RGL1: variants seen among roughly 807,000 people sequenced by gnomAD.
RGL1 encodes the protein ral guanine nucleotide dissociation stimulator-like 1.
RGL1 carries 24 observed loss-of-function variants against 95.2 expected under a neutral mutation model. The observed-to-expected ratio is 0.25, with a 90% CI of 0.18 to 0.35. The LOEUF is 0.35. Among genes scored for constraint, RGL1 ranks in the 10% least tolerant of loss-of-function variants. The pLI is 1.00. For synonymous variants in RGL1, 329 were observed against 344.9 expected (o/e 0.95, Z 0.51); for missense variants, 715 against 936.3 (o/e 0.76, Z 3.08).
chr1:183,642,608 T>A (rs1198983112), intron 1 of RGL1, among the ~76,000 whole-genome samples: 1 of 152,224 alleles, frequency 6.6e-6, no homozygotes, highest in Non-Finnish European at 1.5e-5. Flanking sequence ...GTTATTGTAA[T>A]GATTTTTTAA....
intron 2 of RGL1, among the ~76,000 whole-genome samples, chr1:183,756,360 A>G (rs1658339389): frequency 6.6e-6 from 1 of 152,116 alleles, no homozygotes; most frequent in Non-Finnish European, 1.5e-5. Context: ...TGTAAAGGGG[A>G]GTGTTAGAGA....
At chr1:183,773,525 A>T (rs1436255905) in intron 2 of RGL1, among the ~76,000 whole-genome samples, 1 of 152,242 alleles carries the variant, frequency 6.6e-6, no homozygotes, top group Non-Finnish European at 1.5e-5. Flanking sequence ...GTAATAGAAG[A>T]GCAGACCCAA....
At chr1:183,711,643 T>A (rs1433191056) in intron 1 of RGL1, among the ~76,000 whole-genome samples, 1 of 152,222 alleles carries the variant, frequency 6.6e-6, no homozygotes, top group Non-Finnish European at 1.5e-5. Context: ...TCATTCCATG[T>A]CCTGTTATAA....
chr1:183,871,932 T>A (rs2102611893), intron 4 of RGL1, among the ~76,000 whole-genome samples: 1 of 152,348 alleles, frequency 6.6e-6, no homozygotes, highest in East Asian at 1.9e-4. Context: ...GGCTTCTGGA[T>A]GTTGGAATCT....
At chr1:183,866,544 C>G (rs1289255328) in intron 4 of RGL1, among the ~76,000 whole-genome samples, 1 of 152,150 alleles carries the variant, frequency 6.6e-6, no homozygotes, top group East Asian at 1.9e-4. Flanking sequence ...ACGGGAAAGC[C>G]TCTGAGGCAG....
At chr1:183,900,450 C>T (rs533106698) in intron 11 of RGL1, among the ~76,000 whole-genome samples, 43 of 152,226 alleles carry the variant, frequency 2.8e-4, no homozygotes, top group Admixed American at 1.7e-3. Flanking sequence ...AAGCAGTGAA[C>T]GATAGTAATA....
chr1:183,776,123 G>C (rs967078688), intron 2 of RGL1, among the ~76,000 whole-genome samples: 1 of 149,608 alleles, frequency 6.7e-6, no homozygotes, highest in African/African-American at 2.5e-5. Flanking sequence ...GGAGCTTACA[G>C]TTCAGTGGGG....
chr1:183,910,858 CT>C (rs1438595442), intron 14 of RGL1, among the ~76,000 whole-genome samples: 1 of 152,134 alleles, frequency 6.6e-6, no homozygotes, highest in Admixed American at 6.5e-5. Flanking sequence ...TCTTTTATGT[CT>C]TTAATATTTC....
At chr1:183,659,059 A>G (rs1398889004) in intron 1 of RGL1, among the ~76,000 whole-genome samples, 3 of 151,962 alleles carry the variant, frequency 2.0e-5, no homozygotes, top group East Asian at 1.9e-4. Flanking sequence ...CCATCTGTAC[A>G]TCACCATCAT....
At chr1:183,733,629 C>G (rs1460297705) in intron 1 of RGL1, among the ~76,000 whole-genome samples, 1 of 152,154 alleles carries the variant, frequency 6.6e-6, no homozygotes, top group East Asian at 1.9e-4. Flanking sequence ...GATTTATTTC[C>G]ATTCCAGAGG....
Position 183,909,385 on chromosome 1 carries a change from A to C in RGL1, c.1562+2284A>C, listed in dbSNP as rs117500594. Among the ~76,000 whole-genome samples, 102 of 152,342 alleles carry C rather than the reference A, an allele frequency of 6.7e-4. 1 individual carries two copies. The East Asian group carries it at 0.019, about 29-fold the overall frequency. Reference sequence around the variant, plus strand: ...AGAATGAACCTTCACAACGCAGGACAAAGCAGGACCTTACTGAATTGTAGA... The same window carrying C: ...AGAATGAACCTTCACAACGCAGGACCAAGCAGGACCTTACTGAATTGTAGA... On this transcript the variant is annotated intron_variant, in intron 14 of 17. Transcript: ENST00000360851.
Position 183,926,224 on chromosome 1 carries a change from A to G in RGL1, c.2239A>G (p.Ser747Gly). 6.2e-7 allele frequency: 1 copy of G among 1,614,042 alleles called. No homozygotes were observed. The highest frequency in any genetic ancestry group is 2.2e-5 in the East Asian group (1 of 44,874). Residue 747 changes from serine (S) to glycine (G), a missense_variant, in exon 18 of 18, where the codon AGC (serine) becomes GGC (glycine). This residue lies in a region of RGL1 where 330 missense variants were observed against 429.6 expected (regional missense o/e 0.77). Transcript: ENST00000360851. ...EEQVKLRSRT[S>G]LTLPRTAKRG... ...ACAAGTGAAACTGCGTAGCCGGACCAGCTTGACGTTGCCCAGGACAGCTAA... is the reference window on the plus strand; with the variant it reads ...ACAAGTGAAACTGCGTAGCCGGACCGGCTTGACGTTGCCCAGGACAGCTAA...
intron 1 of RGL1, among the ~76,000 whole-genome samples, chr1:183,671,864 G>A (rs1252879083): frequency 1.3e-5 from 2 of 151,910 alleles, no homozygotes; most frequent in Non-Finnish European, 2.9e-5. Flanking sequence ...TTCATTGTCG[G>A]TCTAGTTGTT....
chr1:183,813,450 G>A (rs1293363115), intron 2 of RGL1, among the ~76,000 whole-genome samples: 3 of 152,342 alleles, frequency 2.0e-5, no homozygotes, highest in East Asian at 3.9e-4. Flanking sequence ...GAACAAGGCA[G>A]AAGCCCTGCT....
At chr1:183,663,759 C>G (rs908877383) in intron 1 of RGL1, among the ~76,000 whole-genome samples, 2 of 151,360 alleles carry the variant, frequency 1.3e-5, no homozygotes, top group Non-Finnish European at 2.9e-5. Flanking sequence ...AAGACACGTG[C>G]ACACGTATGT....
intron 14 of RGL1, among the ~76,000 whole-genome samples, chr1:183,908,769 C>G (rs1248417723): frequency 1.3e-5 from 2 of 152,146 alleles, no homozygotes; most frequent in Non-Finnish European, 2.9e-5. Flanking sequence ...CCCACTATGG[C>G]AGTCAGAGGT....
At chr1:183,848,354 T>G (rs1192292372) in intron 3 of RGL1, among the ~76,000 whole-genome samples, 1 of 152,244 alleles carries the variant, frequency 6.6e-6, no homozygotes, top group Non-Finnish European at 1.5e-5. Flanking sequence ...ACTGTTAAAC[T>G]TTAGATTTTC....
chr1:183,896,449 G>T (rs1027128773), intron 9 of RGL1, among the ~76,000 whole-genome samples: 1 of 152,192 alleles, frequency 6.6e-6, no homozygotes, highest in Non-Finnish European at 1.5e-5. Flanking sequence ...ACTTAAATAG[G>T]TAATGAGTCA....
chr1:183,862,197 G>C (rs1035684868), intron 3 of RGL1, among the ~76,000 whole-genome samples: 26 of 152,018 alleles, frequency 1.7e-4, no homozygotes, highest in African/African-American at 5.8e-4. Flanking sequence ...AAAAAAATTA[G>C]CCAGGCATGG....
Sources: allele counts gnomAD v4.1 joint callset (sites outside exome capture counted in the v4.1 genomes callset), GRCh38; gene constraint gnomAD v4.1.1; regional missense constraint gnomAD v4.1.1; transcripts MANE v1.5; gene names NCBI Gene and HGNC (gene_info 2026-07-23, HGNC 2026-07-21).